UGT3A2: variants seen among roughly 807,000 people sequenced by gnomAD.
UGT3A2 encodes the protein UDP glycosyltransferase family 3 member A2, also known as UDP-glycosyltransferase 3A2.
In UGT3A2, 32 loss-of-function variants were observed where a neutral mutation model predicts 39.8. The ratio of observed to expected loss-of-function variants is 0.80; its 90% CI spans 0.61 to 1.08. The LOEUF (loss-of-function observed/expected upper bound fraction) is 1.08, where lower values mean the gene tolerates loss of function less well. UGT3A2 is among the 50% of genes least tolerant of loss of function. The pLI, the probability that UGT3A2 is intolerant of heterozygous loss-of-function variation, is 0.00. For synonymous variants in UGT3A2, 241 were observed against 230.7 expected (o/e 1.04, Z -0.40); for missense variants, 611 against 637.1 (o/e 0.96, Z 0.44).
chr5:36,057,378 A>T (rs548468142), intron 2 of UGT3A2, among the ~76,000 whole-genome samples: 2 of 152,304 alleles, frequency 1.3e-5, no homozygotes, highest in East Asian at 3.9e-4. Context: ...GACATCCATG[A>T]TGAGGGAATT....
At chr5:36,054,243 C>A (rs1397527070) in intron 2 of UGT3A2, among the ~76,000 whole-genome samples, 11 of 152,196 alleles carry the variant, frequency 7.2e-5, no homozygotes, top group Admixed American at 7.2e-4. Context: ...ATATTAATCA[C>A]ATCTGCAAAG....
intron 2 of UGT3A2, among the ~76,000 whole-genome samples, chr5:36,053,128 T>C (rs115847478): frequency 0.012 from 1,837 of 152,314 alleles, 40 homozygotes; most frequent in African/African-American, 0.042. Context: ...AGTACAGATA[T>C]AACATTACAT....
Position 36,035,904 on chromosome 5 carries a change from C to T in UGT3A2, c.1366G>A (p.Val456Met). Residue 456 changes from valine (V) to methionine (M), a missense_variant, in exon 7 of 7, where the codon GTG (valine) becomes ATG (methionine). By Grantham distance (21) the Val-to-Met change is conservative. Coordinates refer to ENST00000282507, the MANE Select transcript of UGT3A2 (RefSeq NM_174914.4). ...TGGAGGACGTGGTCAATCCAGCCCA[C>T]CAGCCGCTGTGTGGGGCTGAGCGGG... is the stretch of plus-strand genomic sequence containing the variant. ...SHPLSPTQRL[V>M]GWIDHVLQTG... 1 of 1,614,212 alleles carries T rather than the reference C, an allele frequency of 6.2e-7. No individual in the cohort carries two copies. The highest frequency in any genetic ancestry group is 1.1e-5 in the South Asian group (1 of 91,082).
At chr5:36,066,432 A>C (rs924892639) in intron 1 of UGT3A2, among the ~76,000 whole-genome samples, 1 of 152,176 alleles carries the variant, frequency 6.6e-6, no homozygotes, top group Non-Finnish European at 1.5e-5. Context: ...TTCTGGCCCC[A>C]GCCCTGCGGG....
intron 2 of UGT3A2, among the ~76,000 whole-genome samples, chr5:36,055,686 C>T (rs1742489016): frequency 6.6e-6 from 1 of 152,126 alleles, no homozygotes. Context: ...TTATTTTACT[C>T]ATTTACTTCT....
intron 3 of UGT3A2, among the ~76,000 whole-genome samples, chr5:36,049,928 C>A (rs1421840786): frequency 3.3e-5 from 5 of 152,110 alleles, no homozygotes. Flanking sequence ...AGTCAAGGAA[C>A]TCTTTGATTA....
intron 4 of UGT3A2, 136 bp from the exon 5 acceptor site, chr5:36,039,844 G>GTA: frequency 1.5e-6 from 1 of 681,292 alleles, no homozygotes; most frequent in South Asian, 1.8e-5. Context: ...ATAGCTCCTA[G>GTA]TATAGCTCGA....
intron 2 of UGT3A2, among the ~76,000 whole-genome samples, chr5:36,057,562 G>C (rs1742554378): frequency 6.7e-6 from 1 of 149,204 alleles, no homozygotes; most frequent in African/African-American, 2.5e-5. Flanking sequence ...CTCAGACTGG[G>C]TCTCACTTTA....
At chr5:36,041,507 C>T (rs543654210) in intron 4 of UGT3A2, among the ~76,000 whole-genome samples, 1 of 152,116 alleles carries the variant, frequency 6.6e-6, no homozygotes, top group East Asian at 1.9e-4. Context: ...TTGTGTCACC[C>T]CTCCCCCAAC....
chr5:36,053,539 T>A (rs1477453078), intron 2 of UGT3A2, among the ~76,000 whole-genome samples: 1 of 152,220 alleles, frequency 6.6e-6, no homozygotes, highest in Non-Finnish European at 1.5e-5. Context: ...CTCTCATTAG[T>A]GCCCGCCAGG....
Position 36,049,126 on chromosome 5 carries a change from C to T in UGT3A2, c.606G>A (p.Lys202=), listed in dbSNP as rs748539867. ...AGAAACTAAAGAACATCAGAAAATTCTTCACTCGGCCCCAGAAGTCCATGT... is the reference window on the plus strand; with the variant it reads ...AGAAACTAAAGAACATCAGAAAATTTTTCACTCGGCCCCAGAAGTCCATGT... The part of the protein sequence containing the change: ...TDHMDFWGRV[K]NFLMFFSFCR... Residue 202 remains lysine (K), a synonymous_variant, in exon 4 of 7, where the codon AAG becomes AAA. Coordinates refer to ENST00000282507, the MANE Select transcript of UGT3A2 (RefSeq NM_174914.4). The T allele has an allele frequency of 1.2e-6, 2 of 1,614,172 alleles. No individual in the cohort carries two copies. The highest frequency in any genetic ancestry group is 1.7e-4 in the Middle Eastern group (1 of 6,054).
intron 2 of UGT3A2, among the ~76,000 whole-genome samples, chr5:36,060,306 A>G (rs1446142383): frequency 5.3e-5 from 8 of 152,224 alleles, no homozygotes. Context: ...AACTCAGTAT[A>G]CCACTGGAGG....
At chr5:36,054,641 G>C (rs1024000410) in intron 2 of UGT3A2, among the ~76,000 whole-genome samples, 36 of 152,038 alleles carry the variant, frequency 2.4e-4, no homozygotes, top group African/African-American at 8.5e-4. Flanking sequence ...AGTGGGACAG[G>C]CATAGGATAC....
At chr5:36,055,998 A>G (rs1469105496) in intron 2 of UGT3A2, among the ~76,000 whole-genome samples, 1 of 151,538 alleles carries the variant, frequency 6.6e-6, no homozygotes, top group Non-Finnish European at 1.5e-5. Context: ...CCTTTGTTTC[A>G]TTTCCTAGGA....
At chr5:36,047,742 A>G (rs1289731601) in intron 4 of UGT3A2, among the ~76,000 whole-genome samples, 2 of 152,242 alleles carry the variant, frequency 1.3e-5, no homozygotes, top group East Asian at 3.9e-4. Context: ...CCCTTACTCC[A>G]TGGTGGAGGC....
intron 4 of UGT3A2, among the ~76,000 whole-genome samples, chr5:36,046,252 C>A (rs538429126): frequency 2.4e-4 from 36 of 152,338 alleles, no homozygotes; most frequent in Admixed American, 2.4e-3. Flanking sequence ...AGCAATCTCA[C>A]TGCTAAGTAT....
Position 36,046,852 on chromosome 5 carries a change from C to T in UGT3A2, c.843+2037G>A, listed in dbSNP as rs1025461886. Reference sequence around the variant, plus strand: ...AGTAATGCTCTGTCCCAAAAGCAGGCCTGGACAGCTTATATCTTAAAGTCC... The same window carrying T: ...AGTAATGCTCTGTCCCAAAAGCAGGTCTGGACAGCTTATATCTTAAAGTCC... On this transcript the variant is annotated intron_variant, in intron 4 of 6. Coordinates refer to ENST00000282507, the MANE Select transcript of UGT3A2 (RefSeq NM_174914.4). 5.3e-5 allele frequency among the ~76,000 whole-genome samples: 8 copies of T among 152,094 alleles called. No individual in the cohort carries two copies. The East Asian group carries it at 9.6e-4, about 18-fold the overall frequency.
chr5:36,065,589 AG>A (rs375085072), intron 1 of UGT3A2, among the ~76,000 whole-genome samples: 1,984 of 152,272 alleles, frequency 0.013, 47 homozygotes, highest in African/African-American at 0.045. Context: ...ACTCAGAAAG[AG>A]GGGGAAAAAG....
chr5:36,042,524 A>C (rs1197135269), intron 4 of UGT3A2, among the ~76,000 whole-genome samples: 3 of 152,188 alleles, frequency 2.0e-5, no homozygotes, highest in Non-Finnish European at 4.4e-5. Context: ...AAATGACAGG[A>C]GTAAGTCCTT....
Sources: allele counts gnomAD v4.1 joint callset (sites outside exome capture counted in the v4.1 genomes callset), GRCh38; gene constraint gnomAD v4.1.1; transcripts MANE v1.5; gene names NCBI Gene and HGNC (gene_info 2026-07-23, HGNC 2026-07-21).